The following PLEKHM3 variants were observed in gnomAD, a reference collection of about 807,000 sequenced individuals.
PLEKHM3 encodes the protein pleckstrin homology domain containing M3.
A neutral mutation model predicts 81.8 loss-of-function variants in PLEKHM3; 45 were observed. The observed-to-expected ratio is 0.55, with a 90% CI of 0.43 to 0.71. The LOEUF (loss-of-function observed/expected upper bound fraction) is 0.71, where lower values mean the gene tolerates loss of function less well. Ranked by LOEUF, PLEKHM3 falls within the 30% of genes least tolerant of loss-of-function variation. The pLI is 0.00. For missense variants in PLEKHM3, 788 were observed against 924.3 expected (o/e 0.85, Z 1.91); for synonymous variants, 352 against 356.4 (o/e 0.99, Z 0.14).
intron 7 of PLEKHM3, among the ~76,000 whole-genome samples, chr2:207,850,706 A>C (rs2092407593): frequency 6.6e-6 from 1 of 152,214 alleles, no homozygotes; most frequent in African/African-American, 2.4e-5. Flanking sequence ...GTCAGAAAGA[A>C]AGCTGCATAG....
At chr2:207,882,612 CAAA>C (rs375414006) in intron 6 of PLEKHM3, among the ~76,000 whole-genome samples, 3 of 85,132 alleles carry the variant, frequency 3.5e-5, no homozygotes, top group Non-Finnish European at 4.3e-5. Context: ...AACTCCATCT[CAAA>C]AAAAAAAAAA....
chr2:207,860,244 T>C (rs1202532231), intron 7 of PLEKHM3, among the ~76,000 whole-genome samples: 1 of 151,744 alleles, frequency 6.6e-6, no homozygotes, highest in Non-Finnish European at 1.5e-5. Flanking sequence ...TGTTTTTCTG[T>C]GTGTGGGCCA....
chr2:207,826,733 A>C lies in PLEKHM3; in HGVS notation c.*1586T>G, dbSNP rs1026568969. ...AGGAGCAATGGGGTTGAATGTACCA[A>C]GTATGTTGTGAGCCACTGATCCTAA... is the stretch of plus-strand genomic sequence containing the variant. On this transcript the variant is annotated 3_prime_UTR_variant, in exon 8 of 8. Transcript: ENST00000427836. The C allele has an allele frequency of 1.3e-5, 2 of 152,188 alleles. No individual in the cohort carries two copies. Among genetic ancestry groups the C allele is most frequent in the Non-Finnish European group, 1.5e-5 (1 of 68,034 alleles). The allele number at this position is 152,188 out of a possible 1,614,324, so 9.4% of individuals were successfully genotyped here. A position where few individuals can be genotyped will look rare whatever the true frequency, so the allele number is the denominator to read the frequency against.
intron 7 of PLEKHM3, among the ~76,000 whole-genome samples, chr2:207,835,882 T>C (rs918093943): frequency 4.6e-5 from 7 of 151,996 alleles, no homozygotes; most frequent in African/African-American, 1.7e-4. Flanking sequence ...TTTGGGGGGA[T>C]GGGGATGAGG....
intron 5 of PLEKHM3, among the ~76,000 whole-genome samples, chr2:207,923,900 TATATA>T (rs1413020301): frequency 4.4e-5 from 4 of 91,614 alleles, no homozygotes; most frequent in Admixed American, 1.3e-4. Flanking sequence ...TATATATATA[TATATA>T]TTTTTTTTTT....
chr2:207,828,604 A>G, intron 7 of PLEKHM3, 108 bp from the exon 8 acceptor site: 2 of 1,057,242 alleles, frequency 1.9e-6, no homozygotes, highest in Non-Finnish European at 2.7e-6. Context: ...ACTGTTCTGG[A>G]CAACCCTGCC....
chr2:207,974,339 C>T (rs934201673), intron 3 of PLEKHM3, among the ~76,000 whole-genome samples: 6 of 152,124 alleles, frequency 3.9e-5, no homozygotes, highest in Admixed American at 6.6e-5. Context: ...TTTCTCCTTC[C>T]TCTTGAGTGT....
chr2:208,013,524 A>G (rs1399011248), intron 1 of PLEKHM3, among the ~76,000 whole-genome samples: 1 of 152,056 alleles, frequency 6.6e-6, no homozygotes, highest in Non-Finnish European at 1.5e-5. Context: ...TCAAAAAGAA[A>G]AAAAAAAAAA....
intron 2 of PLEKHM3, among the ~76,000 whole-genome samples, chr2:207,996,444 C>T (rs760069539): frequency 6.6e-6 from 1 of 152,104 alleles, no homozygotes; most frequent in Non-Finnish European, 1.5e-5. Flanking sequence ...TAGTTCTTGC[C>T]AGAATTCATT....
At position 207,865,673 on chromosome 2, in the gene PLEKHM3, G is replaced by A. The variant is rs375206730; in HGVS notation, c.1951-4411C>T. Reference sequence around the variant, plus strand: ...TGTATGCCTGTAATCGCAGCTACTCGGGAAGCTAAGGAAGGAGAATTGCTT... The same window carrying A: ...TGTATGCCTGTAATCGCAGCTACTCAGGAAGCTAAGGAAGGAGAATTGCTT... On this transcript the variant is annotated intron_variant, in intron 6 of 7. Transcript: ENST00000427836. Among the ~76,000 whole-genome samples, 264 of 148,262 alleles carry A rather than the reference G, an allele frequency of 1.8e-3. 2 individuals are homozygous for A. Among genetic ancestry groups the A allele is most frequent in the Middle Eastern group, 6.8e-3 (2 of 292 alleles).
At chr2:208,016,924 C>T (rs1414208910) in intron 1 of PLEKHM3, among the ~76,000 whole-genome samples, 1 of 152,166 alleles carries the variant, frequency 6.6e-6, no homozygotes, top group Non-Finnish European at 1.5e-5. Context: ...ATACTAAAAT[C>T]CACAGATGCT....
At chr2:207,973,701 T>C (rs966714077) in intron 3 of PLEKHM3, among the ~76,000 whole-genome samples, 61 of 151,786 alleles carry the variant, frequency 4.0e-4, no homozygotes, top group African/African-American at 1.4e-3. Flanking sequence ...ATCATGCCAT[T>C]GCACTCCAAC....
chr2:207,854,799 A>G (rs1445841720), intron 7 of PLEKHM3, among the ~76,000 whole-genome samples: 1 of 152,244 alleles, frequency 6.6e-6, no homozygotes, highest in African/African-American at 2.4e-5. Flanking sequence ...ACTACTGAGT[A>G]AAGACCCCTA....
At position 207,977,199 on chromosome 2, in the gene PLEKHM3, T is replaced by C. The variant is rs753633998; in HGVS notation, c.998A>G (p.Tyr333Cys). The C allele has an allele frequency of 2.5e-6, 4 of 1,614,092 alleles. No homozygotes were observed. Among genetic ancestry groups the C allele is most frequent in the Non-Finnish European group, 3.4e-6 (4 of 1,180,032 alleles). ...ISPGLGHHDDYTQNHSFQKKT... is the reference protein window; with the variant it reads ...ISPGLGHHDDCTQNHSFQKKT... ...CTTCTGGAAACTATGATTCTGTGTA[T>C]AGTCATCATGATGGCCAAGCCCTGG... Residue 333 changes from tyrosine (Y) to cysteine (C), a missense_variant, in exon 3 of 8, where the codon TAT (tyrosine) becomes TGT (cysteine). By Grantham distance (194) the Tyr-to-Cys change is radical. Transcript: ENST00000427836.
intron 6 of PLEKHM3, among the ~76,000 whole-genome samples, chr2:207,864,502 C>A (rs973831473): frequency 8.5e-5 from 13 of 152,138 alleles, no homozygotes; most frequent in African/African-American, 9.7e-5. Flanking sequence ...GAGGCACTAA[C>A]AAACTATAGT....
At chr2:207,901,669 T>C (rs2105888939) in intron 6 of PLEKHM3, among the ~76,000 whole-genome samples, 1 of 152,344 alleles carries the variant, frequency 6.6e-6, no homozygotes, top group Admixed American at 6.5e-5. Flanking sequence ...CTTCAAAGGA[T>C]AACACTCAAT....
Position 208,022,891 on chromosome 2 carries a change from C to G in PLEKHM3, c.-319+2498G>C, listed in dbSNP as rs577874549. ...GTAGAGAGACATTTTTAGAATTTTGCCTGCCACAGTCTTAGGTGTTGTTTC... is the reference window on the plus strand; with the variant it reads ...GTAGAGAGACATTTTTAGAATTTTGGCTGCCACAGTCTTAGGTGTTGTTTC... On this transcript the variant is annotated intron_variant, in intron 1 of 7. Coordinates refer to ENST00000427836, the MANE Select transcript of PLEKHM3 (RefSeq NM_001080475.3). Among the ~76,000 whole-genome samples the G allele has an allele frequency of 2.6e-5, 4 of 152,288 alleles. No individual in the cohort carries two copies. In the East Asian group the frequency reaches 7.7e-4, roughly 29 times the overall value.
intron 2 of PLEKHM3, among the ~76,000 whole-genome samples, chr2:207,993,333 C>T (rs1167546256): frequency 6.6e-6 from 1 of 152,090 alleles, no homozygotes; most frequent in Non-Finnish European, 1.5e-5. Flanking sequence ...CTTCTTTGTA[C>T]TGACTAATCT....
chr2:207,923,905 A>ATATATATATATATATATTT (rs1396762429), intron 5 of PLEKHM3, among the ~76,000 whole-genome samples: 1 of 28,340 alleles, frequency 3.5e-5, no homozygotes, highest in Non-Finnish European at 6.4e-5. Flanking sequence ...ATATATATAT[A>ATATATATATATATATATTT]TTTTTTTTTT....
Sources: allele counts gnomAD v4.1 joint callset (sites outside exome capture counted in the v4.1 genomes callset), GRCh38; gene constraint gnomAD v4.1.1; transcripts MANE v1.5; gene names NCBI Gene and HGNC (gene_info 2026-07-23, HGNC 2026-07-21).